Variants in TIAM2 observed in about 807,000 individuals in gnomAD.
The protein encoded by TIAM2 is TIAM Rac1 associated GEF 2, also known as rho guanine nucleotide exchange factor TIAM2.
A neutral mutation model predicts 152.9 loss-of-function variants in TIAM2; 80 were observed. That is an observed-to-expected ratio of 0.52 (90% CI 0.44 to 0.63). The LOEUF (loss-of-function observed/expected upper bound fraction) is 0.63, where lower values mean the gene tolerates loss of function less well. Among genes scored for constraint, TIAM2 ranks in the 30% least tolerant of loss-of-function variants. TIAM2 has a pLI of 0.00. For missense variants in TIAM2, 1,965 were observed against 2,120.1 expected, an observed-to-expected ratio of 0.93 and a Z score of 1.44; for synonymous variants, 804 against 838.0, an observed-to-expected ratio of 0.96 and a Z score of 0.70.
chr6:155,152,937 T>A (rs1780010176), intron 7 of TIAM2, among the ~76,000 whole-genome samples: 1 of 152,182 alleles, frequency 6.6e-6, no homozygotes, highest in Admixed American at 6.5e-5. Context: ...GTTTAATTGA[T>A]GACATCATAG....
intron 15 of TIAM2, among the ~76,000 whole-genome samples, chr6:155,240,310 C>T (rs1782966126): frequency 6.6e-6 from 1 of 152,228 alleles, no homozygotes; most frequent in African/African-American, 2.4e-5. Flanking sequence ...TGGAGAGCCT[C>T]GTGTGTAAAC....
chr6:155,157,994 A>G (rs970737620), intron 7 of TIAM2, among the ~76,000 whole-genome samples: 3 of 152,124 alleles, frequency 2.0e-5, no homozygotes, highest in Admixed American at 6.5e-5. Flanking sequence ...TGTTCTAAAT[A>G]CTGTTAAACT....
intron 1 of TIAM2, among the ~76,000 whole-genome samples, chr6:155,079,764 T>C (rs967128680): frequency 1.3e-5 from 2 of 152,160 alleles, no homozygotes; most frequent in Non-Finnish European, 2.9e-5. Flanking sequence ...CTAGCTAACA[T>C]GGTGAAATCC....
intron 1 of TIAM2, among the ~76,000 whole-genome samples, chr6:155,076,781 C>T (rs1777970139): frequency 6.6e-6 from 1 of 152,164 alleles, no homozygotes; most frequent in Non-Finnish European, 1.5e-5. Context: ...CTGCAACCTC[C>T]ACCTCCCAGG....
chr6:155,045,840 C>CTTTTTTTTTTTTTTTTTTTTTT (rs11354850), intron 1 of TIAM2, among the ~76,000 whole-genome samples: 15 of 60,492 alleles, frequency 2.5e-4, no homozygotes, highest in African/African-American at 4.1e-4. Flanking sequence ...ATAGTGCCCT[C>CTTTTTTTTTTTTTTTTTTTTTT]TTTTTTTTTT....
At chr6:155,001,333 G>C (rs1029340865) in intron 1 of TIAM2, among the ~76,000 whole-genome samples, 1 of 152,200 alleles carries the variant, frequency 6.6e-6, no homozygotes, top group African/African-American at 2.4e-5. Flanking sequence ...ATCCAGGTCT[G>C]TCTGACCACA....
In TIAM2 at chr6:155,176,819, G is replaced by T. The variant is rs146936788; in HGVS notation, c.2365G>T (p.Asp789Tyr). Residue 789 changes from aspartate (D) to tyrosine (Y), a missense_variant, in exon 10 of 27, where the codon GAT becomes TAT. Transcript: ENST00000682666. ...KEKRPSITQV[D>Y]ELLHIYGSTV... Reference sequence around the variant, plus strand: ...TTCTTTTGGCATCTACAAACAGGTCGATGAACTTCTGCATATATATGGTTC... The same window carrying T: ...TTCTTTTGGCATCTACAAACAGGTCTATGAACTTCTGCATATATATGGTTC... The T allele has an allele frequency of 6.2e-7, 1 of 1,605,978 alleles. No individual in the cohort carries two copies. Among genetic ancestry groups the T allele is most frequent in the Non-Finnish European group, 8.5e-7 (1 of 1,177,884 alleles).
rs539326466 is a variant in TIAM2 at position 155,157,299 on chromosome 6, C to T, written c.2029-7116C>T. Among the ~76,000 whole-genome samples the T allele has an allele frequency of 1.4e-3, 206 of 152,284 alleles. 3 individuals carry two copies. The highest frequency in any genetic ancestry group is 4.5e-3 in the African/African-American group (189 of 41,568). On this transcript the variant is annotated intron_variant, in intron 7 of 26. Coordinates refer to ENST00000682666, the MANE Select transcript of TIAM2 (RefSeq NM_012454.4). Reference sequence around the variant, plus strand: ...CCTTTTGCCCTGCCTTGTTCTCATGCTCCCCTTCCTTGTTTTATCAGAGCC... The same window carrying T: ...CCTTTTGCCCTGCCTTGTTCTCATGTTCCCCTTCCTTGTTTTATCAGAGCC...
chr6:155,041,771 T>C (rs143077632), intron 1 of TIAM2, among the ~76,000 whole-genome samples: 99 of 152,350 alleles, frequency 6.5e-4, no homozygotes, highest in African/African-American at 2.4e-3. Flanking sequence ...GTGAGCTCCG[T>C]AGGTTTTCTC....
At chr6:155,172,696 T>A (rs1457783263) in intron 9 of TIAM2, among the ~76,000 whole-genome samples, 106 of 65,528 alleles carry the variant, frequency 1.6e-3, no homozygotes, top group African/African-American at 5.1e-3. Flanking sequence ...ATTTTTTTTT[T>A]TTTTTTTTTT....
At chr6:155,203,713 A>C (rs1026226284) in intron 14 of TIAM2, among the ~76,000 whole-genome samples, 4 of 152,224 alleles carry the variant, frequency 2.6e-5, no homozygotes, top group Non-Finnish European at 4.4e-5. Flanking sequence ...TCAACTAAAA[A>C]CATTTTTTGA....
intron 1 of TIAM2, among the ~76,000 whole-genome samples, chr6:155,080,100 A>T (rs1778031152): frequency 6.6e-5 from 10 of 152,214 alleles, no homozygotes. Context: ...GATGAATCAC[A>T]ACCCAAAGTA....
chr6:155,195,717 C>T (rs994271260), intron 14 of TIAM2, among the ~76,000 whole-genome samples: 7 of 152,272 alleles, frequency 4.6e-5, no homozygotes, highest in Admixed American at 1.3e-4. Context: ...GTGCATAGGG[C>T]AGGCCGGTAG....
intron 7 of TIAM2, among the ~76,000 whole-genome samples, chr6:155,158,718 G>T (rs1460705024): frequency 6.6e-6 from 1 of 151,536 alleles, no homozygotes; most frequent in Middle Eastern, 3.2e-3. Flanking sequence ...ACCACACCTG[G>T]CTGAGTTTTG....
At chr6:155,005,992 A>C (rs535979893) in intron 1 of TIAM2, among the ~76,000 whole-genome samples, 27 of 152,320 alleles carry the variant, frequency 1.8e-4, no homozygotes, top group Non-Finnish European at 3.5e-4. Flanking sequence ...TGAAAAAGTC[A>C]CTGGAGAAAA....
chr6:155,205,653 C>A (rs550665670), intron 14 of TIAM2, among the ~76,000 whole-genome samples: 6 of 152,180 alleles, frequency 3.9e-5, no homozygotes, highest in African/African-American at 1.4e-4. Context: ...ATGAACCATA[C>A]GTAGCTGCCT....
intron 4 of TIAM2, among the ~76,000 whole-genome samples, chr6:155,132,616 A>G (rs1295269213): frequency 6.6e-6 from 1 of 152,180 alleles, no homozygotes; most frequent in Non-Finnish European, 1.5e-5. Flanking sequence ...TTCCTAAACA[A>G]CTGATCCCCA....
intron 1 of TIAM2, among the ~76,000 whole-genome samples, chr6:155,070,948 G>T (rs915360357): frequency 3.2e-4 from 49 of 152,130 alleles, no homozygotes; most frequent in African/African-American, 9.9e-4. Context: ...AAAGTGGGTC[G>T]TTCACTTGAG....
chr6:155,016,515 G>GGTAAATTTAAATGTAAAT (rs1357953033), intron 1 of TIAM2, among the ~76,000 whole-genome samples: 1,502 of 137,684 alleles, frequency 0.011, 60 homozygotes, highest in Non-Finnish European at 0.018. Context: ...ACATTTAAAT[G>GGTAAATTTAAATGTAAAT]GTATTTACAT....
Sources: allele counts gnomAD v4.1 joint callset (sites outside exome capture counted in the v4.1 genomes callset), GRCh38; gene constraint gnomAD v4.1.1; transcripts MANE v1.5; gene names NCBI Gene and HGNC (gene_info 2026-07-23, HGNC 2026-07-21).